The following NOL4L variants were observed in gnomAD, a reference collection of about 807,000 sequenced individuals.
NOL4L encodes the protein nucleolar protein 4-like.
A neutral mutation model predicts 64.5 loss-of-function variants in NOL4L; 7 were observed. The ratio of observed to expected loss-of-function variants is 0.11; its 90% CI spans 0.06 to 0.20. The LOEUF is 0.20. Ranked by LOEUF, NOL4L falls within the 10% of genes least tolerant of loss-of-function variation. The pLI is 1.00. For missense variants in NOL4L, 680 were observed against 967.1 expected (o/e 0.70, Z 3.94); for synonymous variants, 413 against 401.0 (o/e 1.03, Z -0.36).
intron 1 of NOL4L, chr20:32,536,403 A>G (rs1600852000): frequency 1.4e-6 from 1 of 716,560 alleles, no homozygotes; most frequent in Non-Finnish European, 1.7e-6. Context: ...GGGGGAGGGG[A>G]GTGGGCCGCG....
intron 10 of NOL4L, among the ~76,000 whole-genome samples, chr20:32,448,412 G>GTA (rs952347443): frequency 3.9e-5 from 6 of 152,234 alleles, no homozygotes; most frequent in African/African-American, 1.4e-4. Flanking sequence ...CTGTCCAGCT[G>GTA]GAGAGAGGCC....
rs746638536 is a variant in NOL4L, at chr20:32,456,296, T to C, written c.941A>G (p.Asn314Ser). Residue 314 changes from asparagine to serine, a missense_variant, in exon 6 of 11, where the codon AAT (asparagine) becomes AGT (serine). Around this residue, in one of 4 missense-constraint regions of NOL4L, gnomAD observed 254 missense variants for 238.7 expected, o/e 1.06. Coordinates refer to ENST00000621426, the MANE Select transcript of NOL4L (RefSeq NM_001256798.2). ...TQGDPAFPEM[N>S]GNGAVAPMDF... is the part of the protein sequence containing the mutation. Reference sequence around the variant, plus strand: ...CATGGGGGCCACGGCGCCGTTGCCATTCATCTCGGGGAAGGCAGGGTCGCC... The same window carrying C: ...CATGGGGGCCACGGCGCCGTTGCCACTCATCTCGGGGAAGGCAGGGTCGCC... The C allele has an allele frequency of 2.5e-6, 4 of 1,582,144 alleles. No individual in the cohort carries two copies. Among genetic ancestry groups the C allele is most frequent in the Non-Finnish European group, 8.6e-7 (1 of 1,161,496 alleles).
intron 1 of NOL4L, among the ~76,000 whole-genome samples, chr20:32,570,618 G>C (rs1979698292): frequency 6.6e-6 from 1 of 152,096 alleles, no homozygotes; most frequent in Non-Finnish European, 1.5e-5. Flanking sequence ...GGGGCCCAGC[G>C]GGTGTCCAGA....
chr20:32,450,645 T>C (rs2012799087), intron 10 of NOL4L, among the ~76,000 whole-genome samples: 1 of 152,162 alleles, frequency 6.6e-6, no homozygotes, highest in Admixed American at 6.5e-5. Context: ...TCAGGGGGAC[T>C]TGGCAGCCGC....
At position 32,520,879 on chromosome 20, in the gene NOL4L, C is replaced by T. The variant is rs2017907411; in HGVS notation, c.521G>A (p.Arg174Gln). 1 of 1,550,612 alleles carries T rather than the reference C, an allele frequency of 6.4e-7. No individual in the cohort carries two copies. The highest frequency in any genetic ancestry group is 8.7e-7 in the Non-Finnish European group (1 of 1,146,966). The change falls in exon 3 of 11, where the codon CGG becomes CAG. Residue 174 changes from arginine to glutamine, a missense_variant. Physicochemically the swap from Arg to Gln is conservative, Grantham distance 43. Coordinates refer to ENST00000621426, the MANE Select transcript of NOL4L (RefSeq NM_001256798.2). Reference sequence around the variant, plus strand: ...ACACTCCGTACAGCTCATCAGGAACCGGGTCACGGCCTCTCTCGGGAGGAA... The same window carrying T: ...ACACTCCGTACAGCTCATCAGGAACTGGGTCACGGCCTCTCTCGGGAGGAA... ...YAFLPREAVT[R>Q]FLMSCTECQK... is the part of the protein sequence containing the mutation.
chr20:32,455,469 C>T (rs932374915), intron 6 of NOL4L, among the ~76,000 whole-genome samples: 4 of 152,202 alleles, frequency 2.6e-5, no homozygotes, highest in Non-Finnish European at 5.9e-5. Flanking sequence ...AGAGCCTGTC[C>T]AGAGGTGTAA....
At position 32,464,874 on chromosome 20, in the gene NOL4L, T is replaced by C; in HGVS notation, c.842-8479A>G. 1 of 424,786 alleles carries C rather than the reference T, an allele frequency of 2.4e-6. No individual in the cohort carries two copies. Among genetic ancestry groups the C allele is most frequent in the Non-Finnish European group, 4.3e-6 (1 of 232,024 alleles). The allele number at this position is 424,786 out of a possible 1,614,324, so 26.3% of individuals were successfully genotyped here. On this transcript the variant is annotated intron_variant, in intron 5 of 10. Coordinates refer to ENST00000621426, the MANE Select transcript of NOL4L (RefSeq NM_001256798.2). This position sits in a 1 kb window ranked among gnomAD's most constrained non-coding sequence, Gnocchi z 5.6. ...ACCGTGTTATCAGAGCTGAGATATT[T>C]CACCTTCTTCTTTCCTACGGAGCCG...
At chr20:32,470,009 G>T (rs953550816) in intron 5 of NOL4L, among the ~76,000 whole-genome samples, 1 of 152,246 alleles carries the variant, frequency 6.6e-6, no homozygotes, top group Non-Finnish European at 1.5e-5. Context: ...GGCCTCATCT[G>T]AGAGGCGCAC....
At chr20:32,528,258 TG>T (rs1221272396) in intron 1 of NOL4L, among the ~76,000 whole-genome samples, 8 of 152,192 alleles carry the variant, frequency 5.3e-5, no homozygotes, top group Admixed American at 5.2e-4. Flanking sequence ...TGGAAGTCTC[TG>T]GGGAGGGGGG....
chr20:32,462,909 A>AAAAAAAAAAAAAAG, intron 5 of NOL4L, among the ~76,000 whole-genome samples: 1 of 149,982 alleles, frequency 6.7e-6, no homozygotes, highest in Non-Finnish European at 1.5e-5. Context: ...GTCTTAAAAA[A>AAAAAAAAAAAAAAG]AAAAAAAAAA....
chr20:32,527,344 C>T (rs2018168582), intron 2 of NOL4L, among the ~76,000 whole-genome samples: 1 of 152,162 alleles, frequency 6.6e-6, no homozygotes, highest in African/African-American at 2.4e-5. Flanking sequence ...TCAGGACAGG[C>T]CTGGCATGCA....
At chr20:32,468,981 G>A (rs753060220) in intron 5 of NOL4L, among the ~76,000 whole-genome samples, 4 of 151,344 alleles carry the variant, frequency 2.6e-5, no homozygotes, top group African/African-American at 9.7e-5. Flanking sequence ...TGGCCAAAAC[G>A]CTGGCTCTGG....
At chr20:32,478,163 TG>T (rs748294174) in intron 4 of NOL4L, among the ~76,000 whole-genome samples, 1 of 151,728 alleles carries the variant, frequency 6.6e-6, no homozygotes. Flanking sequence ...CTCCCTTCAA[TG>T]GGAGGAACCA....
In NOL4L at chr20:32,456,337, C is replaced by T. The variant is rs552795387; in HGVS notation, c.900G>A (p.Thr300=). The part of the protein sequence containing the change: ...GNGSSTLNPS[T]SSSTQGDPAF... ...CAGGGTCGCCCTGCGTGCTGCTCGA[C>T]GTGGATGGGTTCAGGGTGGAGGAGC... The change falls in exon 6 of 11, where the codon ACG becomes ACA. Residue 300 remains threonine, a synonymous_variant. Coordinates refer to ENST00000621426, the MANE Select transcript of NOL4L (RefSeq NM_001256798.2). The T allele has an allele frequency of 1.4e-5, 22 of 1,541,314 alleles. No individual in the cohort carries two copies. Among genetic ancestry groups the T allele is most frequent in the East Asian group, 7.1e-5 (3 of 42,062 alleles).
chr20:32,532,278 G>A (rs762750859), intron 1 of NOL4L: 5 of 823,142 alleles, frequency 6.1e-6, no homozygotes, highest in Middle Eastern at 6.1e-4. Context: ...GGCCTGGAGC[G>A]ACCAGAACTC....
chr20:32,466,919 G>A (rs1351037146), intron 5 of NOL4L, among the ~76,000 whole-genome samples: 2 of 152,194 alleles, frequency 1.3e-5, no homozygotes, highest in Non-Finnish European at 2.9e-5. Flanking sequence ...GCAGCAGGCC[G>A]GAGTTCTGTG....
intron 3 of NOL4L, chr20:32,520,118 A>C (rs1244077196): frequency 6.6e-6 from 1 of 152,074 alleles, no homozygotes; most frequent in African/African-American, 2.4e-5. Flanking sequence ...CCCCATCTCT[A>C]CTAAAAATAC....
Position 32,500,538 on chromosome 20 carries a change from CTTTT to C in NOL4L, c.699+10805_699+10808del, listed in dbSNP as rs35172494. Among the ~76,000 whole-genome samples, 125 of 129,572 alleles carry C rather than the reference CTTTT, an allele frequency of 9.6e-4. 1 individual carries two copies. The South Asian group carries it at 0.016, about 16-fold the overall frequency. The allele number at this position is 129,572 out of a possible 152,430, so 85.0% of individuals were successfully genotyped here. The stretch of plus-strand genomic sequence containing the variant: ...CCAGCTAATTTTTTTGTATTTCTTT[CTTTT>C]TTTTTTTTTTTTTTACTAGAGACAT... On this transcript the variant is annotated intron_variant, in intron 4 of 10. Transcript: ENST00000621426.
chr20:32,489,524 TATC>T (rs2016368330), intron 4 of NOL4L, among the ~76,000 whole-genome samples: 1 of 152,054 alleles, frequency 6.6e-6, no homozygotes, highest in Admixed American at 6.5e-5. Context: ...CTGGCCTAAA[TATC>T]ATCTTTTAAA....
Sources: gnomAD v4.1 joint callset for allele counts (sites outside exome capture counted in the v4.1 genomes callset) on GRCh38, gnomAD v4.1.1 for gene constraint, gnomAD v4.1.1 regional missense constraint, Gnocchi (gnomAD v3.1) non-coding constraint, MANE v1.5 for transcripts, NCBI Gene and HGNC (gene_info 2026-07-23, HGNC 2026-07-21) for gene names.